Variants in RBFOX1 observed in about 807,000 individuals in gnomAD.
The protein encoded by RBFOX1 is RNA binding fox-1 homolog 1, also known as RNA binding protein fox-1 homolog 1.
A neutral mutation model predicts 57.7 loss-of-function variants in RBFOX1; 8 were observed. The ratio of observed to expected loss-of-function variants is 0.14; its 90% CI spans 0.08 to 0.25. The LOEUF is 0.25. Among genes scored for constraint, RBFOX1 ranks in the 10% least tolerant of loss-of-function variants. RBFOX1 has a pLI of 1.00. For missense variants in RBFOX1, 611 were observed against 548.5 expected, an observed-to-expected ratio of 1.11 and a Z score of -1.14; for synonymous variants, 326 against 222.4, an observed-to-expected ratio of 1.47 and a Z score of -4.15.
At chr16:5,432,059 G>A (rs191660654) in intron 1 of RBFOX1, among the ~76,000 whole-genome samples, 6 of 152,160 alleles carry the variant, frequency 3.9e-5, no homozygotes, top group African/African-American at 4.8e-5. Flanking sequence ...TAATAAAGAC[G>A]CCCCTTTTGG....
At chr16:6,970,667 C>T (rs9927674) in intron 3 of RBFOX1, among the ~76,000 whole-genome samples, 1,836 of 152,244 alleles carry the variant, frequency 0.012, 45 homozygotes, top group African/African-American at 0.041. Flanking sequence ...GACCTCATGA[C>T]GTAATCACCT....
chr16:7,594,123 C>T (rs900671787), intron 7 of RBFOX1, among the ~76,000 whole-genome samples: 2 of 152,024 alleles, frequency 1.3e-5, no homozygotes, highest in African/African-American at 4.8e-5. Flanking sequence ...TATCCCTCCC[C>T]CAGCCCCCCA....
At chr16:6,430,903 G>A (rs2094061199) in intron 2 of RBFOX1, among the ~76,000 whole-genome samples, 2 of 151,298 alleles carry the variant, frequency 1.3e-5, no homozygotes, top group South Asian at 4.2e-4. Flanking sequence ...GGCTGAGATA[G>A]GAGGGTTTAT....
intron 3 of RBFOX1, among the ~76,000 whole-genome samples, chr16:5,627,773 T>A (rs1040692692): frequency 9.2e-5 from 14 of 152,194 alleles, no homozygotes; most frequent in African/African-American, 3.4e-4. Context: ...GTATTGAATA[T>A]TATAAGTAAT....
intron 4 of RBFOX1, among the ~76,000 whole-genome samples, chr16:7,111,611 T>TG (rs1192138436): frequency 6.6e-6 from 1 of 152,184 alleles, no homozygotes; most frequent in Non-Finnish European, 1.5e-5. Context: ...CTGAGTATCC[T>TG]GGGAGTCTTA....
intron 3 of RBFOX1, among the ~76,000 whole-genome samples, chr16:5,680,982 T>A (rs956741607): frequency 6.6e-6 from 1 of 151,926 alleles, no homozygotes; most frequent in Non-Finnish European, 1.5e-5. Context: ...TTGAGATGTT[T>A]TAAGTGCCAT....
At chr16:7,335,279 A>T (rs556632103) in intron 4 of RBFOX1, among the ~76,000 whole-genome samples, 4 of 152,200 alleles carry the variant, frequency 2.6e-5, no homozygotes, top group Non-Finnish European at 5.9e-5. Flanking sequence ...CTCAGGAGGC[A>T]AAGTATTTCC....
At chr16:7,629,025 T>G (rs2060512678) in intron 10 of RBFOX1, among the ~76,000 whole-genome samples, 1 of 152,166 alleles carries the variant, frequency 6.6e-6, no homozygotes, top group South Asian at 2.1e-4. Context: ...GTTAGTTAAT[T>G]TCGAGTTAAT....
chr16:6,243,168 T>TGTGTGTG (rs1567757589), intron 1 of RBFOX1, among the ~76,000 whole-genome samples: 3 of 133,326 alleles, frequency 2.3e-5, no homozygotes, highest in Non-Finnish European at 3.3e-5. Context: ...GTGTGTGTGT[T>TGTGTGTG]TATGTACAGT....
At chr16:6,890,580 G>C (rs1388184404) in intron 3 of RBFOX1, among the ~76,000 whole-genome samples, 1 of 152,156 alleles carries the variant, frequency 6.6e-6, no homozygotes, top group Non-Finnish European at 1.5e-5. Flanking sequence ...ATGGTAAAGT[G>C]ATAGATTTAA....
chr16:6,047,419 G>C (rs544943234), intron 1 of RBFOX1, among the ~76,000 whole-genome samples: 7 of 152,330 alleles, frequency 4.6e-5, no homozygotes, highest in Non-Finnish European at 8.8e-5. Context: ...AGATTTCTCT[G>C]AAAAGCTCAT....
chr16:6,254,355 A>G (rs10500339), intron 1 of RBFOX1, among the ~76,000 whole-genome samples: 19,624 of 152,202 alleles, frequency 0.13, 1,359 homozygotes, highest in Middle Eastern at 0.17. Context: ...TATCAAAATC[A>G]TGAGAATCAT....
At chr16:6,310,239 C>T (rs1361799149) in intron 1 of RBFOX1, among the ~76,000 whole-genome samples, 1 of 152,174 alleles carries the variant, frequency 6.6e-6, no homozygotes, top group African/African-American at 2.4e-5. Context: ...ATAGCGGATA[C>T]AATTGTATTT....
intron 4 of RBFOX1, among the ~76,000 whole-genome samples, chr16:7,134,790 G>A (rs1051982339): frequency 1.3e-5 from 2 of 152,120 alleles, no homozygotes; most frequent in Admixed American, 6.5e-5. Context: ...AGGCTTCTGA[G>A]TTAATGTTAA....
chr16:6,067,938 C>G (rs951645222), intron 1 of RBFOX1, among the ~76,000 whole-genome samples: 2 of 152,130 alleles, frequency 1.3e-5, no homozygotes, highest in African/African-American at 2.4e-5. Context: ...ATAACTTGAA[C>G]AGTATCCAAC....
At position 5,367,217 on chromosome 16, in the gene RBFOX1, G is replaced by T. The variant is rs189558835; in HGVS notation, c.220-99999G>T. Among the ~76,000 whole-genome samples the T allele has an allele frequency of 4.3e-3, 649 of 152,220 alleles. 4 individuals carry two copies. Among genetic ancestry groups the T allele is most frequent in the African/African-American group, 0.015 (617 of 41,514 alleles). On this transcript the variant is annotated intron_variant, in intron 1 of 2. Coordinates refer to the RBFOX1 transcript ENST00000585867. ...CCCTCTTTAATCTTTCATGTGAAGG[G>T]CATTACAAGCCTAAAGGAAGATAGT...
chr16:7,306,491 T>A (rs1173388518), intron 4 of RBFOX1, among the ~76,000 whole-genome samples: 2 of 152,170 alleles, frequency 1.3e-5, no homozygotes, highest in Non-Finnish European at 2.9e-5. Flanking sequence ...TGCTTTGGAA[T>A]GCATCTCCCC....
At chr16:7,191,027 T>C (rs184596380) in intron 4 of RBFOX1, among the ~76,000 whole-genome samples, 4 of 152,160 alleles carry the variant, frequency 2.6e-5, no homozygotes, top group Admixed American at 2.6e-4. Flanking sequence ...CCACATAGTG[T>C]CTAGATGATC....
chr16:5,554,832 A>G (rs975858277), intron 2 of RBFOX1, among the ~76,000 whole-genome samples: 15 of 152,136 alleles, frequency 9.9e-5, no homozygotes, highest in African/African-American at 3.4e-4. Context: ...TTTCTTACTC[A>G]CATTCTTCCT....
Sources: gnomAD v4.1 joint callset for allele counts (sites outside exome capture counted in the v4.1 genomes callset) on GRCh38, gnomAD v4.1.1 for gene constraint, MANE v1.5 for transcripts, NCBI Gene and HGNC (gene_info 2026-07-23, HGNC 2026-07-21) for gene names.